The following HINT3 variants were observed in gnomAD, a reference collection of about 807,000 sequenced individuals.
HINT3 encodes the protein histidine triad nucleotide binding protein 3, also known as adenosine 5'-monophosphoramidase HINT3.
Under a neutral mutation model 19.1 loss-of-function variants are expected in HINT3, and 16 were observed. The ratio of observed to expected loss-of-function variants is 0.84; its 90% CI spans 0.57 to 1.27. The LOEUF is 1.27. Among genes scored for constraint, HINT3 ranks in the 50% most tolerant of loss-of-function variants. The pLI is 0.00. For synonymous variants in HINT3, 75 were observed against 84.8 expected (o/e 0.88, Z 0.63); for missense variants, 197 against 225.8 (o/e 0.87, Z 0.82).
Position 125,977,673 on chromosome 6 carries a change from A to G in HINT3, c.546A>G (p.Thr182=). The G allele has an allele frequency of 6.6e-7, 1 of 1,516,780 alleles. No homozygotes were observed. Among genetic ancestry groups the G allele is most frequent in the Non-Finnish European group, 9.0e-7 (1 of 1,116,608 alleles). 94.0% of individuals were successfully genotyped at this position (1,516,780 alleles called of 1,614,324 possible). A position where few individuals can be genotyped will look rare whatever the true frequency, so the allele number is the denominator to read the frequency against. Residue 182 remains threonine, a synonymous_variant, in exon 5 of 5, where the codon ACA becomes ACG. Transcript: ENST00000229633. ...TADHLIEKLR[T] is the part of the protein sequence containing the mutation. ...ATCACTTGATTGAAAAACTAAGAAC[A>G]TGAAAATGTCAAGAGTGGAAGATTT... is the stretch of plus-strand genomic sequence containing the variant.
chr6:125,966,974 A>T lies in HINT3; in HGVS notation c.289A>T (p.Arg97Ter), dbSNP rs201833844. The T allele has an allele frequency of 2.0e-4, 315 of 1,610,470 alleles. 2 individuals are homozygous for T. In the South Asian group the frequency reaches 2.8e-3, roughly 14 times the overall value. The stretch of plus-strand genomic sequence containing the variant: ...GCCAAAGAAGCATATTGGAAACTGC[A>T]GAACTCTAAGGAAAGATCAAGTAGA... ...VVPKKHIGNC[R>*]TLRKDQVELV... The change falls in exon 2 of 5, where the codon AGA (arginine) becomes TGA (stop). Residue 97 changes from arginine (R) to a stop codon, truncating the protein, a stop_gained. Transcript: ENST00000229633. LOFTEE classifies it high-confidence loss of function.
At position 125,957,065 on chromosome 6, in the gene HINT3, G is replaced by A. The variant is rs1257670759; in HGVS notation, c.88G>A (p.Gly30Arg). 1.3e-6 allele frequency: 2 copies of A among 1,550,736 alleles called. No individual in the cohort carries two copies. Among genetic ancestry groups the A allele is most frequent in the Non-Finnish European group, 1.7e-6 (2 of 1,146,854 alleles). ...ATAETTVSSV[G>R]TCEAAGKSPE... is the part of the protein sequence containing the mutation. ...TGCAGAAACTACGGTTTCCTCAGTG[G>A]GGACCTGTGAAGCCGCTGGCAAGTC... Residue 30 changes from glycine to arginine, a missense_variant, in exon 1 of 5, where the codon GGG becomes AGG. Coordinates refer to ENST00000229633, the MANE Select transcript of HINT3 (RefSeq NM_138571.5).
chr6:125,967,049 G>A, intron 2 of HINT3, 45 bp downstream of exon 2: 1 of 1,193,752 alleles, frequency 8.4e-7, no homozygotes, highest in East Asian at 2.4e-5. Flanking sequence ...ATTTTCAGTT[G>A]GTATCAGTGA....
chr6:125,976,186 A>G (rs975425552), intron 4 of HINT3, among the ~76,000 whole-genome samples: 17 of 152,226 alleles, frequency 1.1e-4, no homozygotes, highest in African/African-American at 3.9e-4. Flanking sequence ...TAGAAACTTC[A>G]TATTTCAAAC....
intron 1 of HINT3, among the ~76,000 whole-genome samples, chr6:125,960,665 G>GA (rs71551729): frequency 1.8e-5 from 2 of 112,012 alleles, no homozygotes; most frequent in African/African-American, 2.9e-5. Context: ...TGGGGGGGGG[G>GA]AAAAAAAAAG....
chr6:125,959,403 G>C (rs1237715118), intron 1 of HINT3, among the ~76,000 whole-genome samples: 1 of 152,222 alleles, frequency 6.6e-6, no homozygotes, highest in Non-Finnish European at 1.5e-5. Flanking sequence ...ATGTCAAAAA[G>C]AAAGGAATTG....
At chr6:125,961,095 G>T (rs965483858) in intron 1 of HINT3, among the ~76,000 whole-genome samples, 4 of 152,058 alleles carry the variant, frequency 2.6e-5, no homozygotes, top group African/African-American at 9.7e-5. Flanking sequence ...TCTTGGTTAG[G>T]AACAAAGTAA....
chr6:125,963,024 A>G (rs948179235), intron 1 of HINT3, among the ~76,000 whole-genome samples: 1 of 152,334 alleles, frequency 6.6e-6, no homozygotes, highest in Middle Eastern at 3.4e-3. Flanking sequence ...TACTGAGGAA[A>G]TAACTCAGTG....
At chr6:125,960,776 C>T (rs1176537652) in intron 1 of HINT3, among the ~76,000 whole-genome samples, 4 of 151,340 alleles carry the variant, frequency 2.6e-5, no homozygotes, top group South Asian at 2.1e-4. Context: ...AGAATACGCA[C>T]ATCAGTTTTC....
Position 125,960,663 on chromosome 6 carries a change from G to C in HINT3, c.201+3485G>C, listed in dbSNP as rs550250079. 1.4e-3 allele frequency among the ~76,000 whole-genome samples: 201 copies of C among 145,234 alleles called. 12 individuals carry two copies. Among genetic ancestry groups the C allele is most frequent in the African/African-American group, 4.5e-3 (179 of 40,114 alleles). On this transcript the variant is annotated intron_variant, in intron 1 of 4. Transcript: ENST00000229633. ...CAGAGCAAGACTCTCTCTGGGGGGG[G>C]GGAAAAAAAAAGAAGTTAGGGCAAG...
At position 125,956,894 on chromosome 6, in the gene HINT3, A is replaced by G; in HGVS notation, c.-84A>G. On this transcript the variant is annotated 5_prime_UTR_variant, in exon 1 of 5. Transcript: ENST00000229633. ...GCGAGGGGCGACGTCTCGAGGTAAA[A>G]CGGAGGAGGTGCGGGACGCGGAGAC... 2.9e-6 allele frequency: 4 copies of G among 1,377,396 alleles called. No homozygotes were observed. The highest frequency in any genetic ancestry group is 4.0e-6 in the Non-Finnish European group (4 of 1,011,704). 85.3% of individuals were successfully genotyped at this position (1,377,396 alleles called of 1,614,324 possible). A position where few individuals can be genotyped will look rare whatever the true frequency, so the allele number is the denominator to read the frequency against.
intron 1 of HINT3, among the ~76,000 whole-genome samples, chr6:125,961,409 G>T (rs1788924523): frequency 6.6e-6 from 1 of 152,158 alleles, no homozygotes; most frequent in South Asian, 2.1e-4. Context: ...GATAGCATCA[G>T]ATCCCGCAGG....
chr6:125,972,330 T>G lies in HINT3; in HGVS notation c.389+2T>G. 6.5e-7 allele frequency: 1 copy of G among 1,533,816 alleles called. No homozygotes were observed. Among genetic ancestry groups the G allele is most frequent in the Non-Finnish European group, 8.8e-7 (1 of 1,138,056 alleles). On this transcript the variant is annotated splice_donor_variant, in intron 3 of 4. Transcript: ENST00000229633. LOFTEE classifies it high-confidence loss of function. Reference sequence around the variant, plus strand: ...TTTCACTGACTTCACGAATGTGAGGTGTGTATACTTCCAGATGGAAACCAA... The same window carrying G: ...TTTCACTGACTTCACGAATGTGAGGGGTGTATACTTCCAGATGGAAACCAA...
At chr6:125,969,181 A>G (rs1015734147) in intron 2 of HINT3, among the ~76,000 whole-genome samples, 1 of 152,216 alleles carries the variant, frequency 6.6e-6, no homozygotes, top group African/African-American at 2.4e-5. Flanking sequence ...TAATATTTGT[A>G]TATGGTGAAA....
In HINT3 at chr6:125,974,975, T is replaced by C; in HGVS notation, c.516+2T>C. 1 of 1,612,866 alleles carries C rather than the reference T, an allele frequency of 6.2e-7. No individual in the cohort carries two copies. The highest frequency in any genetic ancestry group is 8.5e-7 in the Non-Finnish European group (1 of 1,179,328). On this transcript the variant is annotated splice_donor_variant, in intron 4 of 4. Coordinates refer to ENST00000229633, the MANE Select transcript of HINT3 (RefSeq NM_138571.5). LOFTEE classifies it high-confidence loss of function. ...GTCAATTCCTATTGGTTTATCACAG[T>C]GAGTATTCTTGTTATGTCAGCAGCA...
chr6:125,978,451 G>C lies in HINT3; in HGVS notation c.*775G>C, dbSNP rs1444086520. The C allele has an allele frequency of 2.6e-5, 4 of 152,088 alleles. No individual in the cohort carries two copies. The highest frequency in any genetic ancestry group is 5.9e-5 in the Non-Finnish European group (4 of 67,970). 9.4% of individuals were successfully genotyped at this position (152,088 alleles called of 1,614,324 possible). ...CTTTATGGCATGTTTTTGTATCAAA[G>C]AGAAATCAGAGGTTAAACTTTGCTT... On this transcript the variant is annotated 3_prime_UTR_variant, in exon 5 of 5. Coordinates refer to ENST00000229633, the MANE Select transcript of HINT3 (RefSeq NM_138571.5).
At chr6:125,976,520 T>G (rs1424882199) in intron 4 of HINT3, among the ~76,000 whole-genome samples, 1 of 150,418 alleles carries the variant, frequency 6.6e-6, no homozygotes, top group African/African-American at 2.4e-5. Context: ...GGTTTGGGTT[T>G]TTTTTTTTTT....
intron 1 of HINT3, among the ~76,000 whole-genome samples, chr6:125,965,397 T>C (rs1789003224): frequency 6.6e-6 from 1 of 152,164 alleles, no homozygotes; most frequent in Non-Finnish European, 1.5e-5. Flanking sequence ...TATAACATTA[T>C]TGTGTTATGA....
intron 2 of HINT3, among the ~76,000 whole-genome samples, chr6:125,969,646 A>G (rs912581409): frequency 6.6e-6 from 1 of 152,092 alleles, no homozygotes; most frequent in African/African-American, 2.4e-5. Context: ...ATTTGTTTGT[A>G]TCATCTATGA....
Sources: gnomAD v4.1 joint callset for allele counts (sites outside exome capture counted in the v4.1 genomes callset) on GRCh38, gnomAD v4.1.1 for gene constraint, MANE v1.5 for transcripts, NCBI Gene and HGNC (gene_info 2026-07-23, HGNC 2026-07-21) for gene names.